Variants in BRD8 observed in about 807,000 individuals in gnomAD.
BRD8 encodes the protein bromodomain containing 8.
Under a neutral mutation model 143.1 loss-of-function variants are expected in BRD8, and 67 were observed. The ratio of observed to expected loss-of-function variants is 0.47; its 90% CI spans 0.38 to 0.57. The LOEUF (loss-of-function observed/expected upper bound fraction) is 0.57, where lower values mean the gene tolerates loss of function less well. BRD8 is among the 20% of genes least tolerant of loss of function. BRD8 has a pLI of 0.00. For synonymous variants in BRD8, 505 were observed against 517.1 expected (o/e 0.98, Z 0.32); for missense variants, 1,103 against 1,503.0 (o/e 0.73, Z 4.40).
rs1753275893 is a variant in BRD8, at chr5:138,164,875, T to C, written c.1570A>G (p.Ile524Val). Reference sequence around the variant, plus strand: ...GTGGCTGGAACAACTCCAGCTACTATTTCGGCTCCTGAAATGACTGGCTCT... The same window carrying C: ...GTGGCTGGAACAACTCCAGCTACTACTTCGGCTCCTGAAATGACTGGCTCT... ...EPEPVISGAE[I>V]VAGVVPATSM... The change falls in exon 12 of 27, where the codon ATA becomes GTA. Residue 524 changes from isoleucine (I) to valine (V), a missense_variant. This residue lies in a region of BRD8 where 139 missense variants were observed against 139.0 expected (regional missense o/e 1.00). Coordinates refer to ENST00000254900, the MANE Select transcript of BRD8 (RefSeq NM_139199.2). 2.5e-6 allele frequency: 4 copies of C among 1,614,244 alleles called. No individual in the cohort carries two copies. The East Asian group carries it at 8.9e-5, about 36-fold the overall frequency.
At chr5:138,156,236 T>C (rs1328460014) in intron 20 of BRD8, among the ~76,000 whole-genome samples, 2 of 151,268 alleles carry the variant, frequency 1.3e-5, no homozygotes, top group African/African-American at 4.9e-5. Flanking sequence ...GCCTCCCGGG[T>C]TCAAGTGCTT....
Position 138,163,180 on chromosome 5 carries a change from C to T in BRD8, c.2037G>A (p.Gln679=), listed in dbSNP as rs771578333. 6 of 1,614,130 alleles carry T rather than the reference C, an allele frequency of 3.7e-6. No homozygotes were observed. In the East Asian group the frequency reaches 1.3e-4, roughly 36 times the overall value. The part of the protein sequence containing the change: ...DGFSIHNATL[Q]SHTLADSIPS... ...GGATGGAGTCTGCCAGTGTGTGTGA[C>T]TGCAGTGTAGCATTGTGTATGCTGA... Residue 679 remains glutamine (Q), a synonymous_variant, in exon 15 of 27, where the codon CAG becomes CAA. Transcript: ENST00000254900.
chr5:138,170,545 A>G (rs780614054), intron 6 of BRD8, 136 bp from the exon 7 acceptor site: 4 of 950,622 alleles, frequency 4.2e-6, no homozygotes, highest in Non-Finnish European at 6.8e-6. Context: ...TCTAACCAGC[A>G]AAACAGTGAA....
intron 20 of BRD8, 120 bp from the exon 21 acceptor site, chr5:138,152,880 C>T (rs1167993579): frequency 1.3e-5 from 13 of 1,037,550 alleles, no homozygotes; most frequent in Non-Finnish European, 1.8e-5. Flanking sequence ...TTCAAGTATT[C>T]ATCATTAGGA....
intron 26 of BRD8, 108 bp downstream of exon 26, chr5:138,140,597 C>A: frequency 7.6e-7 from 1 of 1,308,616 alleles, no homozygotes; most frequent in Non-Finnish European, 1.1e-6. Flanking sequence ...GGGCCTTAAT[C>A]ACCTTTAAAA....
intron 6 of BRD8, 154 bp downstream of exon 6, chr5:138,170,678 C>A: frequency 1.3e-6 from 1 of 756,738 alleles, no homozygotes. Flanking sequence ...GACTCACTCC[C>A]CCCTCCCAGC....
At chr5:138,163,532 A>G in intron 14 of BRD8, 188 bp from the exon 15 acceptor site, 1 of 1,456,076 alleles carries the variant, frequency 6.9e-7, no homozygotes, top group African/African-American at 1.4e-5. Context: ...TAGAACCTGG[A>G]CAAAGAATAA....
chr5:138,145,164 CT>C lies in BRD8; in HGVS notation c.3437+12del. 6.2e-7 allele frequency: 1 copy of C among 1,608,946 alleles called. No individual in the cohort carries two copies. The highest frequency in any genetic ancestry group is 1.7e-5 in the Admixed American group (1 of 58,642). On this transcript the variant is annotated intron_variant, in intron 25 of 26. Transcript: ENST00000254900. ...AAAAGCAACCAACCTTTCTTGACCC[CT>C]TTTTCACTGACCTTTTCACCACATC... is the stretch of plus-strand genomic sequence containing the variant.
chr5:138,176,253 T>A (rs1754328314), intron 2 of BRD8, among the ~76,000 whole-genome samples: 1 of 152,054 alleles, frequency 6.6e-6, no homozygotes, highest in Non-Finnish European at 1.5e-5. Context: ...GAAGAGCACG[T>A]ATCATTCCAT....
chr5:138,171,989 A>G (rs1232635873), intron 3 of BRD8, 76 bp downstream of exon 3: 2 of 1,109,782 alleles, frequency 1.8e-6, no homozygotes, highest in Non-Finnish European at 2.7e-6. Context: ...CTTTGTAACT[A>G]AAAGTCAGGG....
In BRD8 at chr5:138,145,816, G is replaced by C; in HGVS notation, c.3341C>G (p.Pro1114Arg). Reference sequence around the variant, plus strand: ...GTGACTGGCAATCATCTTCCAGACTGGCAGGAGAGTCTTCTTAAATAGCAA... The same window carrying C: ...GTGACTGGCAATCATCTTCCAGACTCGCAGGAGAGTCTTCTTAAATAGCAA... The part of the protein sequence containing the change: ...DHLLFKKTLL[P>R]VWKMIASHRF... Residue 1114 changes from proline to arginine, a missense_variant, in exon 24 of 27, where the codon CCA becomes CGA. By Grantham distance (103) the Pro-to-Arg change is moderately radical. Around this residue, in one of 7 missense-constraint regions of BRD8, gnomAD observed 369 missense variants for 445.5 expected, o/e 0.83. Transcript: ENST00000254900. The C allele has an allele frequency of 6.2e-7, 1 of 1,613,968 alleles. No homozygotes were observed. Among genetic ancestry groups the C allele is most frequent in the South Asian group, 1.1e-5 (1 of 91,084 alleles).
intron 2 of BRD8, chr5:138,172,836 A>T (rs1441746117): frequency 5.4e-6 from 2 of 371,546 alleles, no homozygotes; most frequent in Admixed American, 7.8e-5. Flanking sequence ...CCTGGGTGAC[A>T]GAGTAAGACC....
At position 138,162,212 on chromosome 5, in the gene BRD8, C is replaced by T. The variant is rs1433828475; in HGVS notation, c.2088-66G>A. 3 of 1,294,722 alleles carry T rather than the reference C, an allele frequency of 2.3e-6. No homozygotes were observed. In the Admixed American group the frequency reaches 6.1e-5, roughly 26 times the overall value. 80.2% of individuals were successfully genotyped at this position (1,294,722 alleles called of 1,614,324 possible). ...AAAATAAAAATTATAATTCTCTTTT[C>T]TTTTTGAGACAGGGTCTCACTCTGT... On this transcript the variant is annotated intron_variant, in intron 15 of 26. Coordinates refer to ENST00000254900, the MANE Select transcript of BRD8 (RefSeq NM_139199.2).
chr5:138,148,757 A>G (rs1317984299), intron 23 of BRD8, among the ~76,000 whole-genome samples: 2 of 152,092 alleles, frequency 1.3e-5, no homozygotes, highest in Non-Finnish European at 2.9e-5. Flanking sequence ...AATCTATTTT[A>G]ATATTTTTAA....
At chr5:138,145,287 A>G (rs550980393) in intron 24 of BRD8, 42 bp from the exon 25 acceptor site, 2 of 1,586,864 alleles carry the variant, frequency 1.3e-6, no homozygotes, top group East Asian at 2.2e-5. Context: ...AAACCCTGGC[A>G]AGGCACTCTG....
rs1430136736 is a variant in BRD8 at position 138,149,794 on chromosome 5, C to T, written c.3124G>A (p.Glu1042Lys). Reference protein sequence around the residue: ...QGLLTESEEGEAQQESKGEDQ... With the variant: ...QGLLTESEEGKAQQESKGEDQ... ...TCCCCTTTGGATTCTTGCTGAGCCTCCCCCTAGGAATGCCAGGAAACAGGA... is the reference window on the plus strand; with the variant it reads ...TCCCCTTTGGATTCTTGCTGAGCCTTCCCCTAGGAATGCCAGGAAACAGGA... Residue 1042 changes from glutamate to lysine, a missense_variant, in exon 23 of 27, where the codon GAG becomes AAG. Around this residue, in one of 7 missense-constraint regions of BRD8, gnomAD observed 369 missense variants for 445.5 expected, o/e 0.83. Transcript: ENST00000254900. The T allele has an allele frequency of 6.3e-7, 1 of 1,598,106 alleles. No homozygotes were observed. The highest frequency in any genetic ancestry group is 8.5e-7 in the Non-Finnish European group (1 of 1,175,252).
At chr5:138,165,801 T>C (rs747024182) in intron 11 of BRD8, 27 bp downstream of exon 11, 1 of 1,598,610 alleles carries the variant, frequency 6.3e-7, no homozygotes, top group Non-Finnish European at 8.5e-7. Context: ...ACCCATGAGA[T>C]TCTCTGGGGC....
At chr5:138,173,362 C>T (rs1349562511) in intron 2 of BRD8, among the ~76,000 whole-genome samples, 1 of 150,058 alleles carries the variant, frequency 6.7e-6, no homozygotes, top group African/African-American at 2.5e-5. Flanking sequence ...CGTGCCACTG[C>T]ATTCCAACCT....
intron 20 of BRD8, among the ~76,000 whole-genome samples, chr5:138,156,634 C>A (rs1034224045): frequency 1.1e-4 from 17 of 152,092 alleles, no homozygotes; most frequent in African/African-American, 3.9e-4. Context: ...CCTTACTTTT[C>A]CCAAACATTC....
Sources: allele counts gnomAD v4.1 joint callset (sites outside exome capture counted in the v4.1 genomes callset), GRCh38; gene constraint gnomAD v4.1.1; regional missense constraint gnomAD v4.1.1; transcripts MANE v1.5; gene names NCBI Gene and HGNC (gene_info 2026-07-23, HGNC 2026-07-21).